GSE1: variants seen among roughly 807,000 people sequenced by gnomAD.
The protein encoded by GSE1 is Gse1 coiled-coil protein.
GSE1 carries 32 observed loss-of-function variants against 112.6 expected under a neutral mutation model. The observed-to-expected ratio is 0.28, with a 90% CI of 0.21 to 0.38. GSE1 has a LOEUF of 0.38. Among genes scored for constraint, GSE1 ranks in the 10% least tolerant of loss-of-function variants. GSE1 has a pLI of 1.00. For synonymous variants in GSE1, 1,115 were observed against 735.6 expected, an observed-to-expected ratio of 1.52 and a Z score of -8.35; for missense variants, 2,348 against 1,699.2, an observed-to-expected ratio of 1.38 and a Z score of -6.71.
chr16:85,619,411 G>C (rs775495709), intron 1 of GSE1, among the ~76,000 whole-genome samples: 1 of 151,408 alleles, frequency 6.6e-6, no homozygotes, highest in Non-Finnish European at 1.5e-5. Context: ...GACAGCTTGC[G>C]AGTGGAGGCG....
At chr16:85,352,187 A>T (rs976890629) in intron 1 of GSE1, among the ~76,000 whole-genome samples, 4 of 152,164 alleles carry the variant, frequency 2.6e-5, no homozygotes, top group African/African-American at 9.7e-5. Context: ...GTCTACCAGG[A>T]GTTGGCTTTC....
intron 1 of GSE1, among the ~76,000 whole-genome samples, chr16:85,240,856 G>A (rs558440993): frequency 9.0e-4 from 137 of 152,256 alleles, no homozygotes; most frequent in African/African-American, 3.1e-3. Context: ...CACAGTCGGG[G>A]AGCAGAGAGG....
intron 2 of GSE1, among the ~76,000 whole-genome samples, chr16:85,379,397 G>A (rs2047496057): frequency 6.6e-6 from 1 of 152,224 alleles, no homozygotes; most frequent in Non-Finnish European, 1.5e-5. Flanking sequence ...AACCTTGTCA[G>A]ATGTAGAAGG....
chr16:85,329,464 C>G (rs887192952), intron 1 of GSE1, among the ~76,000 whole-genome samples: 2 of 152,030 alleles, frequency 1.3e-5, no homozygotes, highest in African/African-American at 2.4e-5. Context: ...AGCCGGGTGC[C>G]CTGCTGGCTT....
intron 1 of GSE1, among the ~76,000 whole-genome samples, chr16:85,328,548 A>C (rs2046273972): frequency 6.6e-6 from 1 of 152,100 alleles, no homozygotes; most frequent in Admixed American, 6.5e-5. Flanking sequence ...ATGGGGTGGG[A>C]GGTGCCCCTG....
At chr16:85,499,602 A>G (rs889707044) in intron 2 of GSE1, among the ~76,000 whole-genome samples, 1 of 152,148 alleles carries the variant, frequency 6.6e-6, no homozygotes, top group East Asian at 1.9e-4. Flanking sequence ...CACCACACCC[A>G]GCAGAAAGTC....
chr16:85,608,620 A>G (rs189124304), upstream of GSE1, among the ~76,000 whole-genome samples: 723 of 152,212 alleles, frequency 4.7e-3, 4 homozygotes, highest in Non-Finnish European at 7.5e-3. Context: ...CCACGTCTGG[A>G]TGAGACTCGT....
chr16:85,640,681 C>T (rs910258904), intron 2 of GSE1, among the ~76,000 whole-genome samples: 8 of 152,364 alleles, frequency 5.3e-5, no homozygotes, highest in South Asian at 4.1e-4. Context: ...CCGGCCTGGG[C>T]GGGGGAGAGG....
At chr16:85,453,342 C>T (rs576345222) in intron 2 of GSE1, among the ~76,000 whole-genome samples, 2 of 152,192 alleles carry the variant, frequency 1.3e-5, no homozygotes, top group East Asian at 3.9e-4. Flanking sequence ...GGTGCATGGA[C>T]GCAGTGTGTA....
chr16:85,433,753 G>T (rs1005723385), intron 2 of GSE1, among the ~76,000 whole-genome samples: 1 of 152,120 alleles, frequency 6.6e-6, no homozygotes, highest in East Asian at 1.9e-4. Context: ...ATCAATGGAT[G>T]CTGGATGGAT....
intron 2 of GSE1, among the ~76,000 whole-genome samples, chr16:85,642,935 T>C (rs2050562502): frequency 6.6e-6 from 1 of 152,128 alleles, no homozygotes; most frequent in East Asian, 1.9e-4. Flanking sequence ...CGGTCTACAG[T>C]GCGCTGGAGA....
At chr16:85,572,287 C>T (rs773018759) in intron 1 of GSE1, among the ~76,000 whole-genome samples, 1 of 144,296 alleles carries the variant, frequency 6.9e-6, no homozygotes, top group African/African-American at 2.6e-5. Flanking sequence ...ACCACATACC[C>T]CCACACACAA....
chr16:85,376,370 A>G (rs1396560750), intron 2 of GSE1, among the ~76,000 whole-genome samples: 1 of 152,214 alleles, frequency 6.6e-6, no homozygotes, highest in African/African-American at 2.4e-5. Context: ...GATTACTGCA[A>G]CTGTTGGAAC....
At chr16:85,515,055 A>G (rs375996171) in intron 2 of GSE1, among the ~76,000 whole-genome samples, 4 of 152,242 alleles carry the variant, frequency 2.6e-5, no homozygotes, top group East Asian at 3.9e-4. Flanking sequence ...ATGTGTGTGT[A>G]TGAATGCATG....
intron 2 of GSE1, among the ~76,000 whole-genome samples, chr16:85,471,682 GA>G (rs2050300441): frequency 6.6e-6 from 1 of 151,880 alleles, no homozygotes; most frequent in Non-Finnish European, 1.5e-5. Context: ...AAGGATTACA[GA>G]CATGAGCCAC....
intron 1 of GSE1, among the ~76,000 whole-genome samples, chr16:85,261,627 G>T (rs1262520704): frequency 6.6e-6 from 1 of 152,160 alleles, no homozygotes; most frequent in Non-Finnish European, 1.5e-5. Context: ...AGCAGGAGAG[G>T]GCTGGGCATT....
intron 2 of GSE1, among the ~76,000 whole-genome samples, chr16:85,457,964 T>C (rs929502350): frequency 6.6e-6 from 1 of 152,180 alleles, no homozygotes; most frequent in African/African-American, 2.4e-5. Flanking sequence ...TCTCTGAGAT[T>C]GAAGTAGCTA....
intron 1 of GSE1, among the ~76,000 whole-genome samples, chr16:85,319,556 G>A (rs1401941802): frequency 6.6e-6 from 1 of 152,208 alleles, no homozygotes; most frequent in Non-Finnish European, 1.5e-5. Context: ...GAGCTTTTCA[G>A]TTGCCAGGCA....
At chr16:85,474,055 C>G (rs947517764) in intron 2 of GSE1, among the ~76,000 whole-genome samples, 1 of 152,110 alleles carries the variant, frequency 6.6e-6, no homozygotes, top group African/African-American at 2.4e-5. Flanking sequence ...AGAGGAGAAA[C>G]ATGAGCTGAC....
Sources: gnomAD v4.1 joint callset for allele counts (sites outside exome capture counted in the v4.1 genomes callset) on GRCh38, gnomAD v4.1.1 for gene constraint, MANE v1.5 for transcripts, NCBI Gene and HGNC (gene_info 2026-07-23, HGNC 2026-07-21) for gene names.